Variants in VWDE observed in about 807,000 individuals in gnomAD.
VWDE encodes the protein von Willebrand factor D and EGF domains, also known as von Willebrand factor D and EGF domain-containing protein.
Under a neutral mutation model 178.4 loss-of-function variants are expected in VWDE, and 207 were observed. That is an observed-to-expected ratio of 1.16 (90% CI 1.04 to 1.30). VWDE has a LOEUF of 1.30. Ranked by LOEUF, VWDE falls within the 50% of genes most tolerant of loss-of-function variation. VWDE has a pLI of 0.00. For synonymous variants in VWDE, 738 were observed against 651.4 expected (o/e 1.13, Z -2.02); for missense variants, 2,287 against 1,901.3 (o/e 1.20, Z -3.77).
At chr7:12,349,240 A>AATAC (rs796143390) in intron 19 of VWDE, among the ~76,000 whole-genome samples, 2,971 of 144,886 alleles carry the variant, frequency 0.021, 83 homozygotes, top group African/African-American at 0.071. Flanking sequence ...CATAATAATA[A>AATAC]ATAAATAAAT....
At position 12,370,294 on chromosome 7, in the gene VWDE, T is replaced by C. The variant is rs1364618838; in HGVS notation, c.2012A>G (p.Tyr671Cys). 6.4e-7 allele frequency: 1 copy of C among 1,551,122 alleles called. No individual in the cohort carries two copies. The highest frequency in any genetic ancestry group is 2.4e-5 in the East Asian group (1 of 40,912). ...LIPELDVTSE[Y>C]INSDTLVREI... ...TCTGACAAGAGTGTCTGAATTAATA[T>C]ATTCGGAGGTGACATCTAGTTCTGG... Residue 671 changes from tyrosine to cysteine, a missense_variant, in exon 12 of 29, where the codon TAT becomes TGT. Coordinates refer to ENST00000275358, the MANE Select transcript of VWDE (RefSeq NM_001135924.3).
chr7:12,372,868 T>G, intron 10 of VWDE, 109 bp downstream of exon 10: 1 of 1,098,212 alleles, frequency 9.1e-7, no homozygotes, highest in Non-Finnish European at 1.3e-6. Context: ...TAAATGCTAT[T>G]TTCTTAAACA....
chr7:12,385,031 CAT>C (rs1255214711), intron 3 of VWDE, among the ~76,000 whole-genome samples: 1 of 152,064 alleles, frequency 6.6e-6, no homozygotes, highest in East Asian at 1.9e-4. Context: ...TTCATATTTC[CAT>C]AGAGTCTTCT....
Position 12,357,419 on chromosome 7 carries a change from C to A in VWDE, c.3371G>T (p.Gly1124Val), listed in dbSNP as rs1187399151. ...GTCCAACGTAAAATGGATGTCAGAA[C>A]CTTCTGGATCGAAGGCCACGAACTG... Reference protein sequence around the residue: ...EYQFVAFDPEGSDIHFTLDSG... With the variant: ...EYQFVAFDPEVSDIHFTLDSG... The change falls in exon 17 of 29, where the codon GGT becomes GTT. Residue 1124 changes from glycine to valine, a missense_variant. Gly to Val is a moderately radical substitution (Grantham distance 109, BLOSUM62 -3). Coordinates refer to ENST00000275358, the MANE Select transcript of VWDE (RefSeq NM_001135924.3). 6.4e-7 allele frequency: 1 copy of A among 1,551,940 alleles called. No individual in the cohort carries two copies. The highest frequency in any genetic ancestry group is 1.2e-5 in the South Asian group (1 of 84,062).
At chr7:12,344,073 C>T (rs1781471137) in intron 21 of VWDE, 122 bp downstream of exon 21, 3 of 640,430 alleles carry the variant, frequency 4.7e-6, no homozygotes, top group Non-Finnish European at 7.8e-6. Context: ...AGTCCTATAC[C>T]AGCTTTGATA....
At chr7:12,343,010 A>T (rs528110294) in intron 22 of VWDE, 73 bp downstream of exon 22, 7 of 1,125,474 alleles carry the variant, frequency 6.2e-6, no homozygotes, top group African/African-American at 1.6e-5. Flanking sequence ...GGTTCATTTC[A>T]CGTAGCATTA....
At chr7:12,375,945 G>C (rs576066859) in intron 7 of VWDE, among the ~76,000 whole-genome samples, 41 of 152,176 alleles carry the variant, frequency 2.7e-4, no homozygotes, top group African/African-American at 8.9e-4. Flanking sequence ...ATTGGTCAGA[G>C]AGGAAGTATG....
chr7:12,331,082 T>C lies in VWDE; in HGVS notation c.*101A>G. 1.2e-6 allele frequency: 1 copy of C among 839,740 alleles called. No homozygotes were observed. Among genetic ancestry groups the C allele is most frequent in the Non-Finnish European group, 1.8e-6 (1 of 543,586 alleles). 52.0% of individuals were successfully genotyped at this position (839,740 alleles called of 1,614,324 possible). On this transcript the variant is annotated 3_prime_UTR_variant, in exon 29 of 29. Coordinates refer to ENST00000275358, the MANE Select transcript of VWDE (RefSeq NM_001135924.3). ...TTTCTTCAGTCTTTAAGATATTTTTTGAATGATGTTCAAATAAACTCCAAG... is the reference window on the plus strand; with the variant it reads ...TTTCTTCAGTCTTTAAGATATTTTTCGAATGATGTTCAAATAAACTCCAAG...
At position 12,375,195 on chromosome 7, in the gene VWDE, A is replaced by G; in HGVS notation, c.1057T>C (p.Ser353Pro). Residue 353 changes from serine to proline, a missense_variant, in exon 8 of 29, where the codon TCT becomes CCT. Coordinates refer to ENST00000275358, the MANE Select transcript of VWDE (RefSeq NM_001135924.3). ...REHLGLNLAL[S>P]SCHVDLLQTS... ...TGGAGAAGGTCCACATGACAGGAAG[A>G]CAGTGCCAAATTTAAGCCTAGGTGC... 5 of 1,551,104 alleles carry G rather than the reference A, an allele frequency of 3.2e-6. No homozygotes were observed. The highest frequency in any genetic ancestry group is 1.2e-5 in the South Asian group (1 of 84,048).
chr7:12,336,664 T>C (rs982100998), intron 26 of VWDE, among the ~76,000 whole-genome samples: 6 of 152,038 alleles, frequency 3.9e-5, no homozygotes, highest in African/African-American at 1.5e-4. Context: ...ACTGGATGGT[T>C]TGAGGTGGGG....
chr7:12,366,153 C>A (rs1782847019), intron 13 of VWDE, among the ~76,000 whole-genome samples: 1 of 152,108 alleles, frequency 6.6e-6, no homozygotes, highest in African/African-American at 2.4e-5. Flanking sequence ...CCATGTGGAA[C>A]TGTGAGCCAA....
In VWDE at chr7:12,361,251, C is replaced by A; in HGVS notation, c.3055G>T (p.Val1019Leu). Reference sequence around the variant, plus strand: ...CTGAATTTATAACCATCATTAGATACCTGTAACATAATAGTTCTATAATAA... The same window carrying A: ...CTGAATTTATAACCATCATTAGATAACTGTAACATAATAGTTCTATAATAA... ...GKPTGKWQLKVSNDGYKFSNP... is the reference protein window; with the variant it reads ...GKPTGKWQLKLSNDGYKFSNP... The change falls in exon 15 of 29, where the codon GTA (valine) becomes TTA (leucine). Residue 1019 changes from valine to leucine, a missense_variant and splice_region_variant. Coordinates refer to ENST00000275358, the MANE Select transcript of VWDE (RefSeq NM_001135924.3). 3 of 1,540,770 alleles carry A rather than the reference C, an allele frequency of 1.9e-6. No individual in the cohort carries two copies. The highest frequency in any genetic ancestry group is 1.4e-5 in the African/African-American group (1 of 72,716).
intron 1 of VWDE, among the ~76,000 whole-genome samples, chr7:12,394,102 C>CTA (rs1784518447): frequency 6.6e-6 from 1 of 152,134 alleles, no homozygotes; most frequent in Non-Finnish European, 1.5e-5. Context: ...GTCACAGGAC[C>CTA]TACAAGGATT....
chr7:12,393,623 G>C lies in VWDE; in HGVS notation c.214C>G (p.Pro72Ala). 6.4e-7 allele frequency: 1 copy of C among 1,550,460 alleles called. No homozygotes were observed. The highest frequency in any genetic ancestry group is 8.7e-7 in the Non-Finnish European group (1 of 1,146,330). ...GWYRFLILDR[P>A]AEMPTKCVEM... The stretch of plus-strand genomic sequence containing the variant: ...ACACATTTGGTTGGCATCTCGGCAG[G>C]TCTGTCAAGGATGAGAAATCTATAC... Residue 72 changes from proline to alanine, a missense_variant, in exon 2 of 29, where the codon CCT becomes GCT. Pro to Ala is a conservative substitution (Grantham distance 27, BLOSUM62 -1). Transcript: ENST00000275358.
intron 16 of VWDE, among the ~76,000 whole-genome samples, chr7:12,358,596 G>C (rs1782403075): frequency 6.6e-6 from 1 of 152,042 alleles, no homozygotes. Context: ...TTGTAGCTCT[G>C]ACTCCTGTTC....
In VWDE at chr7:12,351,594, G is replaced by T. The variant is rs1781945495; in HGVS notation, c.3865C>A (p.Pro1289Thr). 1 of 1,548,958 alleles carries T rather than the reference G, an allele frequency of 6.5e-7. No homozygotes were observed. The highest frequency in any genetic ancestry group is 8.7e-7 in the Non-Finnish European group (1 of 1,145,864). Residue 1289 changes from proline to threonine, a missense_variant, in exon 19 of 29, where the codon CCA (proline) becomes ACA (threonine). Physicochemically the swap from Pro to Thr is conservative, Grantham distance 38. Transcript: ENST00000275358. ...NAQGRKRHVK[P>T]TSGNAFTICK... ...TTACTGAAGGCATTTCCACTTGTTG[G>T]CTTAACATGCCTCTTTCTCCCTTGG... is the stretch of plus-strand genomic sequence containing the variant.
chr7:12,337,906 G>C (rs933337034), intron 24 of VWDE, among the ~76,000 whole-genome samples: 1 of 152,000 alleles, frequency 6.6e-6, no homozygotes, highest in Non-Finnish European at 1.5e-5. Context: ...AATTTTATGA[G>C]ATGGTTATGA....
At chr7:12,386,194 T>C (rs1281744178) in intron 3 of VWDE, among the ~76,000 whole-genome samples, 1 of 152,174 alleles carries the variant, frequency 6.6e-6, no homozygotes, top group African/African-American at 2.4e-5. Context: ...AAAAATTAAA[T>C]ACTTTTTATG....
chr7:12,344,230 CACTG>C lies in VWDE; in HGVS notation c.4039_4042del (p.Gln1347ValfsTer38). On this transcript the variant is annotated frameshift_variant, in exon 21 of 29. Transcript: ENST00000275358. LOFTEE classifies it high-confidence loss of function. ...GGTTGCTCCACCATGTCCTGGAAGA[CACTG>C]ACAAATGTTAGGCTTAATACATTTT... The C allele has an allele frequency of 6.4e-7, 1 of 1,551,218 alleles. No homozygotes were observed. Among genetic ancestry groups the C allele is most frequent in the Non-Finnish European group, 8.7e-7 (1 of 1,146,632 alleles).
Sources: allele counts gnomAD v4.1 joint callset (sites outside exome capture counted in the v4.1 genomes callset), GRCh38; gene constraint gnomAD v4.1.1; transcripts MANE v1.5; gene names NCBI Gene and HGNC (gene_info 2026-07-23, HGNC 2026-07-21).